SH3RF3: variants seen among roughly 807,000 people sequenced by gnomAD.
SH3RF3 encodes the protein E3 ubiquitin-protein ligase SH3RF3.
A neutral mutation model predicts 66.3 loss-of-function variants in SH3RF3; 29 were observed. That is an observed-to-expected ratio of 0.44 (90% CI 0.33 to 0.60). The LOEUF is 0.60. Among genes scored for constraint, SH3RF3 ranks in the 20% least tolerant of loss-of-function variants. SH3RF3 has a pLI of 0.04. For synonymous variants in SH3RF3, 583 were observed against 532.0 expected (o/e 1.10, Z -1.32); for missense variants, 1,194 against 1,190.9 (o/e 1.00, Z -0.04).
At chr2:109,432,407 GTT>G in intron 5 of SH3RF3, 92 bp from the exon 6 acceptor site, 1 of 1,508,412 alleles carries the variant, frequency 6.6e-7, no homozygotes. Context: ...TTTAGGTTGG[GTT>G]CCTCCAAAGA....
intron 1 of SH3RF3, among the ~76,000 whole-genome samples, chr2:109,337,787 G>A (rs1682458594): frequency 6.6e-6 from 1 of 151,968 alleles, no homozygotes; most frequent in Non-Finnish European, 1.5e-5. Context: ...GACTGCAGTG[G>A]CATAATCATA....
intron 1 of SH3RF3, among the ~76,000 whole-genome samples, chr2:109,143,458 G>T (rs1450543660): frequency 6.6e-6 from 1 of 152,140 alleles, no homozygotes; most frequent in South Asian, 2.1e-4. Flanking sequence ...AGAAAGTGCA[G>T]TGGGCTGGGT....
intron 1 of SH3RF3, among the ~76,000 whole-genome samples, chr2:109,282,064 AG>A: frequency 6.6e-6 from 1 of 152,050 alleles, no homozygotes; most frequent in East Asian, 1.9e-4. Flanking sequence ...GTGGGATATG[AG>A]TGGGGGCTGC....
intron 8 of SH3RF3, among the ~76,000 whole-genome samples, chr2:109,461,987 C>T (rs1359450618): frequency 6.6e-6 from 1 of 152,080 alleles, no homozygotes; most frequent in African/African-American, 2.4e-5. Context: ...TTTTCTCCAC[C>T]TTACGAGGGA....
chr2:109,488,093 A>T (rs2104370559), intron 8 of SH3RF3, among the ~76,000 whole-genome samples: 1 of 152,310 alleles, frequency 6.6e-6, no homozygotes, highest in African/African-American at 2.4e-5. Context: ...AGCGGCCAGC[A>T]GCCCCAGAGC....
intron 1 of SH3RF3, among the ~76,000 whole-genome samples, chr2:109,260,480 G>A (rs1680323112): frequency 1.3e-5 from 2 of 152,218 alleles, no homozygotes; most frequent in South Asian, 2.1e-4. Flanking sequence ...CTGTATCTGG[G>A]TTTTAATTCC....
chr2:109,241,331 T>G lies in SH3RF3; in HGVS notation c.574-106343T>G, dbSNP rs143409288. Among the ~76,000 whole-genome samples, 526 of 152,286 alleles carry G rather than the reference T, an allele frequency of 3.5e-3. 4 individuals are homozygous for G. The highest frequency in any genetic ancestry group is 0.012 in the African/African-American group (498 of 41,558). ...AAAAGATGGACGGATATTGGAGCAT[T>G]TGAAGTGGAAAAAAAGTATACAAAA... is the stretch of plus-strand genomic sequence containing the variant. On this transcript the variant is annotated intron_variant, in intron 1 of 9. Coordinates refer to ENST00000309415, the MANE Select transcript of SH3RF3 (RefSeq NM_001099289.3).
chr2:109,460,312 G>C (rs115195650), intron 8 of SH3RF3, among the ~76,000 whole-genome samples: 1 of 152,218 alleles, frequency 6.6e-6, no homozygotes, highest in Non-Finnish European at 1.5e-5. Context: ...CTTCCTTGAT[G>C]GAGGTGGTCC....
intron 1 of SH3RF3, among the ~76,000 whole-genome samples, chr2:109,302,984 C>G (rs1016798749): frequency 6.6e-6 from 1 of 152,140 alleles, no homozygotes; most frequent in African/African-American, 2.4e-5. Context: ...TCAAGCGATT[C>G]TCCTGCCTCA....
intron 1 of SH3RF3, among the ~76,000 whole-genome samples, chr2:109,190,832 T>A (rs1209194903): frequency 6.6e-6 from 1 of 151,982 alleles, no homozygotes; most frequent in Non-Finnish European, 1.5e-5. Flanking sequence ...GAGTGTTCAA[T>A]TCAGAAAACA....
rs201111631 is a variant in SH3RF3 at position 109,348,130 on chromosome 2, G to GT, written c.849+189dup. The stretch of plus-strand genomic sequence containing the variant: ...CTGTGCTTCCATGAATGGGGTGATG[G>GT]TTTTTTTTGGTTGAATGCTATGGAG... On this transcript the variant is annotated intron_variant, in intron 2 of 9. Transcript: ENST00000309415. 7.8e-3 allele frequency among the ~76,000 whole-genome samples: 1,185 copies of GT among 152,144 alleles called. 10 individuals are homozygous for GT. The highest frequency in any genetic ancestry group is 0.027 in the African/African-American group (1,132 of 41,510).
intron 5 of SH3RF3, among the ~76,000 whole-genome samples, chr2:109,421,732 A>G (rs1033735287): frequency 6.6e-6 from 1 of 152,174 alleles, no homozygotes; most frequent in Non-Finnish European, 1.5e-5. Context: ...GTCGGACAAC[A>G]TCCTTCTAAG....
chr2:109,164,945 T>C (rs1032774313), intron 1 of SH3RF3, among the ~76,000 whole-genome samples: 2 of 152,120 alleles, frequency 1.3e-5, no homozygotes, highest in Non-Finnish European at 2.9e-5. Context: ...AAAATGACAA[T>C]GGGGAGGTCG....
At chr2:109,390,805 A>G (rs143679729) in intron 3 of SH3RF3, among the ~76,000 whole-genome samples, 4 of 152,284 alleles carry the variant, frequency 2.6e-5, no homozygotes, top group Admixed American at 1.3e-4. Flanking sequence ...GCTACCCACT[A>G]TGAGATGAGC....
At chr2:109,233,968 A>C (rs1433672118) in intron 1 of SH3RF3, among the ~76,000 whole-genome samples, 1 of 152,242 alleles carries the variant, frequency 6.6e-6, no homozygotes, top group Non-Finnish European at 1.5e-5. Context: ...GGATATTTGA[A>C]TTGTTTCCAG....
intron 2 of SH3RF3, among the ~76,000 whole-genome samples, chr2:109,364,149 C>T (rs184000169): frequency 1.3e-5 from 2 of 151,088 alleles, no homozygotes; most frequent in South Asian, 2.1e-4. Context: ...TTCTTGGATG[C>T]TCCATTATGG....
intron 1 of SH3RF3, among the ~76,000 whole-genome samples, chr2:109,223,183 A>C (rs1679293938): frequency 6.6e-6 from 1 of 152,252 alleles, no homozygotes; most frequent in South Asian, 2.1e-4. Context: ...CTGCTGCCAC[A>C]GATCATGAAT....
chr2:109,403,994 CAG>C, intron 4 of SH3RF3, among the ~76,000 whole-genome samples: 2 of 152,146 alleles, frequency 1.3e-5, no homozygotes, highest in East Asian at 1.9e-4. Context: ...CTCAGGGAAT[CAG>C]GGAATGAATC....
At position 109,129,289 on chromosome 2, in the gene SH3RF3, G is replaced by C. The variant is rs1238235865; in HGVS notation, c.-252G>C. ...TGCGGCGGGACAGGTGTAGCCCGCAGCCGCAGGCGCTGCGCTCAGGACTGG... is the reference window on the plus strand; with the variant it reads ...TGCGGCGGGACAGGTGTAGCCCGCACCCGCAGGCGCTGCGCTCAGGACTGG... On this transcript the variant is annotated 5_prime_UTR_variant, in exon 1 of 10. Transcript: ENST00000309415. The C allele has an allele frequency of 1.5e-6, 1 of 683,426 alleles. No homozygotes were observed. The highest frequency in any genetic ancestry group is 1.9e-5 in the African/African-American group (1 of 52,376). The allele number at this position is 683,426 out of a possible 1,614,324, so 42.3% of individuals were successfully genotyped here.
Sources: allele counts gnomAD v4.1 joint callset (sites outside exome capture counted in the v4.1 genomes callset), GRCh38; gene constraint gnomAD v4.1.1; transcripts MANE v1.5; gene names NCBI Gene and HGNC (gene_info 2026-07-23, HGNC 2026-07-21).